Variants in FGF12 observed in about 807,000 individuals in gnomAD.
FGF12 encodes fibroblast growth factor 12B.
In FGF12, 14 loss-of-function variants were observed where a neutral mutation model predicts 23.6. The ratio of observed to expected loss-of-function variants is 0.59; its 90% CI spans 0.39 to 0.93. The LOEUF (loss-of-function observed/expected upper bound fraction) is 0.93. Among genes scored for constraint, FGF12 ranks in the 40% least tolerant of loss-of-function variants. FGF12 has a pLI of 0.00. For missense variants in FGF12, 175 were observed against 217.8 expected (o/e 0.80, Z 1.24); for synonymous variants, 62 against 77.3 (o/e 0.80, Z 1.04).
intron 2 of FGF12, among the ~76,000 whole-genome samples, chr3:192,498,874 A>T (rs1044839637): frequency 2.6e-5 from 4 of 152,252 alleles, no homozygotes; most frequent in East Asian, 3.8e-4. Flanking sequence ...AAAAGTTTCT[A>T]TTTAACTGAT....
intron 2 of FGF12, among the ~76,000 whole-genome samples, chr3:192,527,505 T>A (rs1032946637): frequency 6.6e-6 from 1 of 152,182 alleles, no homozygotes; most frequent in African/African-American, 2.4e-5. Flanking sequence ...ATCAGAAAGA[T>A]CTGTTTTCTA....
chr3:192,561,116 G>T (rs1258031936), intron 2 of FGF12, among the ~76,000 whole-genome samples: 1 of 151,956 alleles, frequency 6.6e-6, no homozygotes, highest in Non-Finnish European at 1.5e-5. Flanking sequence ...AGGGAAAGGG[G>T]AAGCGGGGAG....
chr3:192,696,901 T>A (rs1407525490), intron 2 of FGF12, among the ~76,000 whole-genome samples: 3 of 152,080 alleles, frequency 2.0e-5, no homozygotes, highest in African/African-American at 7.2e-5. Context: ...AAAAGCTTTA[T>A]AAACTGTAAT....
intron 2 of FGF12, among the ~76,000 whole-genome samples, chr3:192,685,771 A>G (rs1717710737): frequency 6.6e-6 from 1 of 152,230 alleles, no homozygotes; most frequent in African/African-American, 2.4e-5. Context: ...TTTCCTATCT[A>G]TTATATATAA....
chr3:192,439,931 G>A (rs571384155), intron 2 of FGF12, among the ~76,000 whole-genome samples: 65 of 150,282 alleles, frequency 4.3e-4, no homozygotes, highest in Middle Eastern at 3.4e-3. Context: ...AGCTGAGATC[G>A]CGCCACTGCA....
chr3:192,252,413 A>C lies in FGF12; in HGVS notation c.229-81757T>G, dbSNP rs146950699. The stretch of plus-strand genomic sequence containing the variant: ...AGGAAGTGGAGGTTGCAGTGAGCCC[A>C]GATCATGCCCCTGCACTCCAGCCTG... On this transcript the variant is annotated intron_variant, in intron 4 of 5. Coordinates refer to ENST00000445105, the MANE Select transcript of FGF12 (RefSeq NM_004113.6). Among the ~76,000 whole-genome samples, 874 of 133,018 alleles carry C rather than the reference A, an allele frequency of 6.6e-3. 7 individuals carry two copies. The highest frequency in any genetic ancestry group is 0.023 in the African/African-American group (824 of 36,044). 87.3% of individuals were successfully genotyped at this position (133,018 alleles called of 152,430 possible). A position where few individuals can be genotyped will look rare whatever the true frequency, so the allele number is the denominator to read the frequency against.
chr3:192,646,427 T>G (rs192829920), intron 2 of FGF12, among the ~76,000 whole-genome samples: 14 of 152,234 alleles, frequency 9.2e-5, no homozygotes, highest in East Asian at 5.8e-4. Flanking sequence ...TGTTCTCTTC[T>G]GGGGAGTAGG....
intron 2 of FGF12, among the ~76,000 whole-genome samples, chr3:192,508,875 C>A (rs1193566320): frequency 6.6e-6 from 1 of 152,152 alleles, no homozygotes; most frequent in African/African-American, 2.4e-5. Context: ...ATTATTCCTT[C>A]CTTGAGGTGA....
chr3:192,648,660 T>C (rs1716101159), intron 2 of FGF12, among the ~76,000 whole-genome samples: 1 of 152,178 alleles, frequency 6.6e-6, no homozygotes, highest in Non-Finnish European at 1.5e-5. Context: ...ATAGAGATTA[T>C]TTTATTCATG....
At chr3:192,667,335 T>G (rs917194781) in intron 2 of FGF12, among the ~76,000 whole-genome samples, 1 of 152,014 alleles carries the variant, frequency 6.6e-6, no homozygotes, top group East Asian at 1.9e-4. Flanking sequence ...TGGGTGTGGT[T>G]GCTCACACCT....
At chr3:192,346,947 T>C (rs1159503878) in intron 3 of FGF12, among the ~76,000 whole-genome samples, 1 of 152,160 alleles carries the variant, frequency 6.6e-6, no homozygotes, top group Non-Finnish European at 1.5e-5. Flanking sequence ...CTCAAAGTTA[T>C]AATAATACAA....
At chr3:192,563,908 T>C (rs748812755) in intron 2 of FGF12, among the ~76,000 whole-genome samples, 1 of 152,220 alleles carries the variant, frequency 6.6e-6, no homozygotes, top group Non-Finnish European at 1.5e-5. Flanking sequence ...GAAAAGTGTA[T>C]TGCAAGACAT....
chr3:192,326,324 AT>A (rs1263593760), intron 4 of FGF12, among the ~76,000 whole-genome samples: 1 of 152,192 alleles, frequency 6.6e-6, no homozygotes, highest in Non-Finnish European at 1.5e-5. Context: ...AGAAATTTGG[AT>A]ATCTATGATA....
chr3:192,401,399 G>T (rs1409834079), intron 2 of FGF12, among the ~76,000 whole-genome samples: 2 of 152,204 alleles, frequency 1.3e-5, no homozygotes, highest in Non-Finnish European at 2.9e-5. Context: ...CTGGACACTT[G>T]TGACAGAATG....
At chr3:192,595,176 A>G (rs62292993) in intron 2 of FGF12, among the ~76,000 whole-genome samples, 3,874 of 152,300 alleles carry the variant, frequency 0.025, 62 homozygotes, top group Middle Eastern at 0.048. Flanking sequence ...TCTCCTTTGA[A>G]CCAGCTGTCA....
chr3:192,472,835 T>C (rs1315475477), intron 2 of FGF12, among the ~76,000 whole-genome samples: 4 of 152,212 alleles, frequency 2.6e-5, no homozygotes, highest in African/African-American at 9.7e-5. Context: ...TGTGTCTCCA[T>C]GATTTCGAGT....
rs556586812 is a variant in FGF12 at position 192,240,941 on chromosome 3, G to A, written c.229-70285C>T. Among the ~76,000 whole-genome samples the A allele has an allele frequency of 1.7e-4, 26 of 152,074 alleles. No individual in the cohort carries two copies. In the East Asian group the frequency reaches 2.5e-3, roughly 15 times the overall value. Reference sequence around the variant, plus strand: ...CAGGAAATAAGAACAAGCCAATTACGAGGAGGGAAAAAATAAAGCTGACCT... The same window carrying A: ...CAGGAAATAAGAACAAGCCAATTACAAGGAGGGAAAAAATAAAGCTGACCT... On this transcript the variant is annotated intron_variant, in intron 4 of 5. Transcript: ENST00000445105.
chr3:192,661,936 C>T lies in FGF12; in HGVS notation c.13+65245G>A, dbSNP rs758014472. 3.9e-5 allele frequency among the ~76,000 whole-genome samples: 6 copies of T among 152,140 alleles called. No individual in the cohort carries two copies. The East Asian group carries it at 5.8e-4, about 15-fold the overall frequency. ...TAAATATGGGCAAGTTACAATATCA[C>T]GCTTGCCATAAAATTCTACTTCAAG... On this transcript the variant is annotated intron_variant, in intron 2 of 5. Transcript: ENST00000445105.
At chr3:192,592,832 G>A (rs2108623932) in intron 2 of FGF12, among the ~76,000 whole-genome samples, 1 of 151,894 alleles carries the variant, frequency 6.6e-6, no homozygotes, top group Non-Finnish European at 1.5e-5. Flanking sequence ...AGCTCCTCTA[G>A]TGCTATTTCC....
Sources: allele counts gnomAD v4.1 joint callset (sites outside exome capture counted in the v4.1 genomes callset), GRCh38; gene constraint gnomAD v4.1.1; transcripts MANE v1.5; gene names NCBI Gene and HGNC (gene_info 2026-07-23, HGNC 2026-07-21).